The following PDE6B variants were observed in gnomAD, a reference collection of about 807,000 sequenced individuals.
The protein encoded by PDE6B is phosphodiesterase 6B, also known as rod cGMP-specific 3',5'-cyclic phosphodiesterase subunit beta.
A neutral mutation model predicts 109.0 loss-of-function variants in PDE6B; 106 were observed. The observed-to-expected ratio is 0.97, with a 90% confidence interval of 0.83 to 1.14. The LOEUF (loss-of-function observed/expected upper bound fraction) is 1.14. Among genes scored for constraint, PDE6B ranks in the 50% most tolerant of loss-of-function variants. The pLI, the probability that PDE6B is intolerant of heterozygous loss-of-function variation, is 0.00. For missense variants in PDE6B, 1,193 were observed against 1,155.6 expected, an observed-to-expected ratio of 1.03 and a Z score of -0.47; for synonymous variants, 490 against 471.3, an observed-to-expected ratio of 1.04 and a Z score of -0.51.
chr4:658,189 G>C (rs1470163348), intron 10 of PDE6B, among the ~76,000 whole-genome samples: 5 of 104,382 alleles, frequency 4.8e-5, no homozygotes, highest in African/African-American at 1.1e-4. Context: ...GGGGCAAGTC[G>C]CCAGGGGTCA....
chr4:625,854 C>T lies in PDE6B; in HGVS notation c.228C>T (p.Val76=). ...AGAGCATCAACATGGAGCGCGTGGT[C>T]TTCAAGGTCCTGCGGCGCCTCTGCA... ...MQESINMERV[V]FKVLRRLCTL... is the part of the protein sequence containing the mutation. Residue 76 remains valine, a synonymous_variant, in exon 1 of 22, where the codon GTC becomes GTT. Transcript: ENST00000496514. The surrounding 1 kb of genome is among the most constrained non-coding windows in gnomAD (Gnocchi z 5.0). The T allele has an allele frequency of 6.2e-7, 1 of 1,612,010 alleles. No individual in the cohort carries two copies. Among genetic ancestry groups the T allele is most frequent in the Non-Finnish European group, 8.5e-7 (1 of 1,179,516 alleles).
At chr4:629,147 G>A (rs1259269508) in intron 1 of PDE6B, among the ~76,000 whole-genome samples, 2 of 152,234 alleles carry the variant, frequency 1.3e-5, no homozygotes, top group Non-Finnish European at 2.9e-5. Context: ...TCCTAGACAA[G>A]CCTCTTGGCA....
intron 16 of PDE6B, 52 bp from the exon 17 acceptor site, chr4:664,062 C>T (rs950641850): frequency 4.6e-6 from 6 of 1,313,458 alleles, no homozygotes; most frequent in Admixed American, 3.4e-5. Context: ...GCGCTTGGGG[C>T]GGGGTCTCCA....
intron 3 of PDE6B, among the ~76,000 whole-genome samples, chr4:639,333 G>A (rs530548962): frequency 2.6e-5 from 4 of 151,846 alleles, no homozygotes; most frequent in African/African-American, 7.3e-5. Flanking sequence ...TTAGAGACAG[G>A]GTCTTGCTGT....
rs565633922 is a variant in PDE6B, at chr4:633,553, G to A, written c.469-1124G>A. Among the ~76,000 whole-genome samples the A allele has an allele frequency of 7.9e-5, 12 of 152,286 alleles. No individual in the cohort carries two copies. Among genetic ancestry groups the A allele is most frequent in the Admixed American group, 1.3e-4 (2 of 15,300 alleles). ...TGCCCTCTGCTGCTGCAGGGCCACC[G>A]TCCCTAGAAACAGCAGGAGATGTGA... On this transcript the variant is annotated intron_variant, in intron 1 of 21. Coordinates refer to ENST00000496514, the MANE Select transcript of PDE6B (RefSeq NM_000283.4). The surrounding 1 kb of genome is among the most constrained non-coding windows in gnomAD (Gnocchi z 4.5).
intron 3 of PDE6B, among the ~76,000 whole-genome samples, chr4:647,401 GC>G (rs71166822): frequency 0.01 from 1,569 of 152,146 alleles, 21 homozygotes; most frequent in Non-Finnish European, 0.016. Flanking sequence ...GGTGACAGCA[GC>G]TTCCGCGCCC....
chr4:634,748 C>A lies in PDE6B; in HGVS notation c.540C>A (p.Ile180=). The change falls in exon 2 of 22, where the codon ATC becomes ATA. Residue 180 remains isoleucine (I), a synonymous_variant. Transcript: ENST00000496514. ...CAAAGAATATGCTGGCCACACCCAT[C>A]ATGAATGGCAAAGACGTCGTGGCGG... The part of the protein sequence containing the change: ...YKTKNMLATP[I]MNGKDVVAVI... 6.2e-7 allele frequency: 1 copy of A among 1,613,070 alleles called. No homozygotes were observed. Among genetic ancestry groups the A allele is most frequent in the Non-Finnish European group, 8.5e-7 (1 of 1,179,010 alleles).
Position 662,574 on chromosome 4 carries a change from C to T in PDE6B, c.1788C>T (p.Cys596=), listed in dbSNP as rs760968510. The T allele has an allele frequency of 1.9e-6, 3 of 1,612,662 alleles. No individual in the cohort carries two copies. The highest frequency in any genetic ancestry group is 2.5e-6 in the Non-Finnish European group (3 of 1,179,580). Residue 596 remains cysteine, a synonymous_variant, in exon 14 of 22, where the codon TGC becomes TGT. Coordinates refer to ENST00000496514, the MANE Select transcript of PDE6B (RefSeq NM_000283.4). This position sits in a 1 kb window ranked among gnomAD's most constrained non-coding sequence, Gnocchi z 4.3. The part of the protein sequence containing the change: ...EAFAMVTAGL[C]HDIDHRGTNN... ...TCGCCATGGTGACAGCCGGCCTGTG[C>T]CATGACATCGACCACCGCGGCACCA...
Position 662,550 on chromosome 4 carries a change from CGCCATGGTGACAGCCGGCCTGT to C in PDE6B, c.1771_1792del (p.Val591ThrfsTer13), listed in dbSNP as rs1560132898. On this transcript the variant is annotated frameshift_variant, in exon 14 of 22. Coordinates refer to ENST00000496514, the MANE Select transcript of PDE6B (RefSeq NM_000283.4). LOFTEE classifies it high-confidence loss of function. The surrounding 1 kb of genome is among the most constrained non-coding windows in gnomAD (Gnocchi z 4.3). ...GCTACTACACGGACCTGGAGGCCTT[CGCCATGGTGACAGCCGGCCTGT>C]GCCATGACATCGACCACCGCGGCAC... 6.2e-7 allele frequency: 1 copy of C among 1,613,126 alleles called. No homozygotes were observed. Among genetic ancestry groups the C allele is most frequent in the South Asian group, 1.1e-5 (1 of 91,080 alleles).
At chr4:654,422 C>G in intron 5 of PDE6B, 1 of 627,524 alleles carries the variant, frequency 1.6e-6, no homozygotes. Context: ...TCCTGCTGCC[C>G]CATCTCCCCA....
intron 6 of PDE6B, 113 bp downstream of exon 6, chr4:655,001 C>CGGCCT (rs1736044142): frequency 1.3e-6 from 1 of 780,478 alleles, no homozygotes; most frequent in South Asian, 1.4e-5. Context: ...TCAGCAGCAC[C>CGGCCT]GGCCTGGCCT....
intron 3 of PDE6B, among the ~76,000 whole-genome samples, chr4:637,522 G>A (rs1734748892): frequency 3.3e-5 from 5 of 152,188 alleles, no homozygotes; most frequent in Admixed American, 3.3e-4. Context: ...CACCGAGCCT[G>A]GCTTGGTTTT....
rs917527339 is a variant in PDE6B, at chr4:662,379, A to G, written c.1723-130A>G. ...AGGGCAACGCCCTCTGACACCGTGC[A>G]CCGCGCACCCCAGCCCTGCGGTGGT... On this transcript the variant is annotated intron_variant, in intron 13 of 21. Transcript: ENST00000496514. The surrounding 1 kb of genome is among the most constrained non-coding windows in gnomAD (Gnocchi z 4.3). The G allele has an allele frequency of 7.1e-5, 58 of 819,028 alleles. No homozygotes were observed. Among genetic ancestry groups the G allele is most frequent in the Non-Finnish European group, 1.0e-4 (49 of 479,952 alleles). 50.7% of individuals were successfully genotyped at this position (819,028 alleles called of 1,614,324 possible). A position where few individuals can be genotyped will look rare whatever the true frequency, so the allele number is the denominator to read the frequency against.
chr4:657,501 C>T lies in PDE6B; in HGVS notation c.1401+7C>T, dbSNP rs905040350. 3.8e-5 allele frequency: 56 copies of T among 1,465,902 alleles called. No individual in the cohort carries two copies. The East Asian group carries it at 8.7e-4, about 23-fold the overall frequency. The allele number at this position is 1,465,902 out of a possible 1,614,324, so 90.8% of individuals were successfully genotyped here. A position where few individuals can be genotyped will look rare whatever the true frequency, so the allele number is the denominator to read the frequency against. On this transcript the variant is annotated splice_region_variant and intron_variant, in intron 10 of 21. Transcript: ENST00000496514. ...CGAGATCCAGCTCATCCTGGTGCGG[C>T]GGGGCAGGACGTCCAGGGGTCACCC...
intron 3 of PDE6B, among the ~76,000 whole-genome samples, chr4:651,263 C>T (rs568532913): frequency 2.4e-4 from 35 of 143,892 alleles, no homozygotes; most frequent in Non-Finnish European, 5.0e-4. Flanking sequence ...GCTGAGGCGG[C>T]GATGTCAACA....
intron 3 of PDE6B, among the ~76,000 whole-genome samples, chr4:644,992 G>A (rs1283518094): frequency 6.6e-6 from 1 of 152,068 alleles, no homozygotes; most frequent in African/African-American, 2.4e-5. Flanking sequence ...GTTATTAGAT[G>A]TGTGAACATG....
Position 663,077 on chromosome 4 carries a change from C to CA in PDE6B, c.1833-22dup, listed in dbSNP as rs754748733. On this transcript the variant is annotated intron_variant, in intron 14 of 21. Transcript: ENST00000496514. This position sits in a 1 kb window ranked among gnomAD's most constrained non-coding sequence, Gnocchi z 4.0. ...GGCCAAGGGCAGGTCCCACGGGCCT[C>CA]ACCTCCACCACCTGTGTAACAGGTC... 3.4e-6 allele frequency: 5 copies of CA among 1,460,902 alleles called. No homozygotes were observed. Among genetic ancestry groups the CA allele is most frequent in the Non-Finnish European group, 4.8e-6 (5 of 1,040,460 alleles). 90.5% of individuals were successfully genotyped at this position (1,460,902 alleles called of 1,614,324 possible).
intron 3 of PDE6B, among the ~76,000 whole-genome samples, chr4:640,808 C>T (rs765780315): frequency 5.3e-5 from 8 of 152,174 alleles, no homozygotes; most frequent in East Asian, 1.9e-4. Flanking sequence ...ACCTTTTCTC[C>T]GTCGTATTGC....
intron 1 of PDE6B, among the ~76,000 whole-genome samples, chr4:632,090 G>T (rs1272245567): frequency 1.3e-5 from 2 of 151,548 alleles, no homozygotes; most frequent in Non-Finnish European, 2.9e-5. Context: ...CTATCTCAGG[G>T]TCACATTGCA....
Sources: gnomAD v4.1 joint callset for allele counts (sites outside exome capture counted in the v4.1 genomes callset) on GRCh38, gnomAD v4.1.1 for gene constraint, Gnocchi (gnomAD v3.1) non-coding constraint, MANE v1.5 for transcripts, NCBI Gene and HGNC (gene_info 2026-07-23, HGNC 2026-07-21) for gene names.